The following TBC1D1 variants were observed in gnomAD, a reference collection of about 807,000 sequenced individuals.
TBC1D1 encodes the protein TBC1 domain family member 1.
TBC1D1 carries 89 observed loss-of-function variants against 125.6 expected under a neutral mutation model. The ratio of observed to expected loss-of-function variants is 0.71; its 90% CI spans 0.60 to 0.85. The LOEUF is 0.85. Ranked by LOEUF, TBC1D1 falls within the 40% of genes least tolerant of loss-of-function variation. The probability of loss-of-function intolerance (pLI) is 0.00; values close to 1 mark genes in which losing one functional copy is unlikely to be tolerated. For synonymous variants in TBC1D1, 565 were observed against 564.1 expected (o/e 1.00, Z -0.02); for missense variants, 1,377 against 1,469.2 (o/e 0.94, Z 1.03).
intron 12 of TBC1D1, among the ~76,000 whole-genome samples, chr4:38,087,984 C>T (rs569682151): frequency 4.6e-4 from 68 of 148,600 alleles, no homozygotes; most frequent in Middle Eastern, 3.4e-3. Flanking sequence ...TGTATGGAAA[C>T]ACTGCCCTCG....
chr4:38,132,822 T>G, intron 18 of TBC1D1: 6 of 225,300 alleles, frequency 2.7e-5, no homozygotes, highest in Non-Finnish European at 3.7e-5. Flanking sequence ...TTTTTTTGGC[T>G]TTTGGAAGGT....
At chr4:38,082,941 A>C (rs1024898297) in intron 12 of TBC1D1, among the ~76,000 whole-genome samples, 1 of 152,060 alleles carries the variant, frequency 6.6e-6, no homozygotes, top group Non-Finnish European at 1.5e-5. Flanking sequence ...AGTGGGGATA[A>C]AGATCTGCAG....
intron 3 of TBC1D1, among the ~76,000 whole-genome samples, chr4:38,016,631 A>G (rs886912680): frequency 2.0e-5 from 3 of 152,252 alleles, no homozygotes; most frequent in Non-Finnish European, 4.4e-5. Context: ...TCAAGAGGGC[A>G]TGGATTTTCA....
chr4:37,919,794 G>T (rs1341448073), intron 2 of TBC1D1, among the ~76,000 whole-genome samples: 1 of 152,054 alleles, frequency 6.6e-6, no homozygotes, highest in Non-Finnish European at 1.5e-5. Flanking sequence ...CACAGCTGGC[G>T]AGAATTGGTT....
intron 12 of TBC1D1, among the ~76,000 whole-genome samples, chr4:38,059,641 G>T (rs1318346681): frequency 6.6e-6 from 1 of 152,192 alleles, no homozygotes; most frequent in Non-Finnish European, 1.5e-5. Context: ...ATTCATTCTT[G>T]GTAACTATAC....
At chr4:37,917,436 T>C (rs1719977795) in intron 2 of TBC1D1, among the ~76,000 whole-genome samples, 2 of 152,132 alleles carry the variant, frequency 1.3e-5, no homozygotes, top group African/African-American at 4.8e-5. Context: ...GACTGCGTCA[T>C]TGCACTCCAG....
chr4:38,001,421 A>G (rs1578218545), intron 2 of TBC1D1, among the ~76,000 whole-genome samples: 1 of 152,164 alleles, frequency 6.6e-6, no homozygotes, highest in South Asian at 2.1e-4. Flanking sequence ...GAAGGTTCCA[A>G]TATGTGAGCA....
chr4:37,918,458 T>TG (rs1241603577), intron 2 of TBC1D1, among the ~76,000 whole-genome samples: 1 of 151,910 alleles, frequency 6.6e-6, no homozygotes, highest in African/African-American at 2.4e-5. Flanking sequence ...CTCTTTTTTT[T>TG]TTTTTTTGAG....
At chr4:37,999,541 G>T (rs1233096532) in intron 2 of TBC1D1, among the ~76,000 whole-genome samples, 1 of 152,108 alleles carries the variant, frequency 6.6e-6, no homozygotes, top group African/African-American at 2.4e-5. Context: ...TAGGGGAAGG[G>T]CTCAGGGCTA....
intron 7 of TBC1D1, among the ~76,000 whole-genome samples, chr4:38,032,840 C>CAAAAAA (rs1228708927): frequency 1.2e-5 from 1 of 86,756 alleles, no homozygotes; most frequent in African/African-American, 3.5e-5. Flanking sequence ...GACTCCATCT[C>CAAAAAA]AAAAAAAAAA....
chr4:38,136,433 G>A (rs1314665347), intron 19 of TBC1D1, among the ~76,000 whole-genome samples: 6 of 152,124 alleles, frequency 3.9e-5, no homozygotes, highest in South Asian at 2.1e-4. Context: ...TATGTGTTCC[G>A]GGGTAAATGC....
intron 14 of TBC1D1, among the ~76,000 whole-genome samples, chr4:38,098,858 A>C (rs1335727206): frequency 6.6e-6 from 1 of 152,232 alleles, no homozygotes; most frequent in East Asian, 1.9e-4. Context: ...AAGACCCTGA[A>C]GTGATGGAAA....
rs542968313 is a variant in TBC1D1, at chr4:37,991,983, T to C, written c.418-22526T>C. The stretch of plus-strand genomic sequence containing the variant: ...AGGCTTAGGAGGTGTGTTCGAAACA[T>C]GTTTGGTACAAACGGAACTTACAGA... On this transcript the variant is annotated intron_variant, in intron 2 of 19. Coordinates refer to ENST00000261439, the MANE Select transcript of TBC1D1 (RefSeq NM_015173.4). 4.6e-5 allele frequency among the ~76,000 whole-genome samples: 7 copies of C among 152,336 alleles called. No individual in the cohort carries two copies. The South Asian group carries it at 1.2e-3, about 27-fold the overall frequency.
intron 16 of TBC1D1, among the ~76,000 whole-genome samples, chr4:38,117,449 T>C (rs60023571): frequency 6.6e-6 from 1 of 152,170 alleles, no homozygotes; most frequent in Admixed American, 6.5e-5. Context: ...GGAAAAAGTT[T>C]TTATTTCATC....
chr4:38,018,242 C>A (rs1002542163), intron 3 of TBC1D1, 112 bp from the exon 4 acceptor site: 2 of 805,424 alleles, frequency 2.5e-6, no homozygotes, highest in Non-Finnish European at 4.0e-6. Context: ...GAAATGATTT[C>A]TACGATGATA....
chr4:37,942,138 A>G (rs1380173791), intron 2 of TBC1D1, among the ~76,000 whole-genome samples: 2 of 152,118 alleles, frequency 1.3e-5, no homozygotes, highest in African/African-American at 4.8e-5. Flanking sequence ...AAAGTCTCCC[A>G]TTATTATTGT....
intron 2 of TBC1D1, among the ~76,000 whole-genome samples, chr4:37,943,015 T>C (rs1725907171): frequency 6.6e-6 from 1 of 152,228 alleles, no homozygotes; most frequent in Non-Finnish European, 1.5e-5. Context: ...TCAGGAGCTC[T>C]TGCAGGACAG....
chr4:37,926,006 T>C (rs947471336), intron 2 of TBC1D1, among the ~76,000 whole-genome samples: 4 of 152,248 alleles, frequency 2.6e-5, no homozygotes, highest in Non-Finnish European at 5.9e-5. Flanking sequence ...AGGACATTTA[T>C]CCTACAGAAC....
chr4:38,106,376 G>A lies in TBC1D1; in HGVS notation c.2557+3219G>A, dbSNP rs572309735. ...TGTGTTTCCCTGGGACCCTCTGAGCGCAGGAGGCCCGTGTTGCTGTGCAGT... is the reference window on the plus strand; with the variant it reads ...TGTGTTTCCCTGGGACCCTCTGAGCACAGGAGGCCCGTGTTGCTGTGCAGT... On this transcript the variant is annotated intron_variant, in intron 15 of 19. Coordinates refer to ENST00000261439, the MANE Select transcript of TBC1D1 (RefSeq NM_015173.4). Among the ~76,000 whole-genome samples the A allele has an allele frequency of 3.3e-5, 5 of 152,322 alleles. No individual in the cohort carries two copies. The East Asian group carries it at 5.8e-4, about 18-fold the overall frequency.
Sources: gnomAD v4.1 joint callset for allele counts (sites outside exome capture counted in the v4.1 genomes callset) on GRCh38, gnomAD v4.1.1 for gene constraint, MANE v1.5 for transcripts, NCBI Gene and HGNC (gene_info 2026-07-23, HGNC 2026-07-21) for gene names.